CLEC16A: variants seen among roughly 807,000 people sequenced by gnomAD.
The protein encoded by CLEC16A is C-type lectin domain containing 16A, also known as protein CLEC16A.
CLEC16A carries 51 observed loss-of-function variants against 109.5 expected under a neutral mutation model. That is an observed-to-expected ratio of 0.47 (90% CI 0.37 to 0.59). The LOEUF (loss-of-function observed/expected upper bound fraction) is 0.59, where lower values mean the gene tolerates loss of function less well. Ranked by LOEUF, CLEC16A falls within the 20% of genes least tolerant of loss-of-function variation. CLEC16A has a pLI of 0.00. For missense variants in CLEC16A, 1,339 were observed against 1,394.0 expected (o/e 0.96, Z 0.63); for synonymous variants, 673 against 564.2 (o/e 1.19, Z -2.73).
At chr16:10,957,955 A>T (rs201890426) in intron 2 of CLEC16A, 45 bp downstream of exon 2, 19 of 1,593,628 alleles carry the variant, frequency 1.2e-5, no homozygotes, top group Non-Finnish European at 1.6e-5. Context: ...TTCTTCTTTG[A>T]ATGTTTTTCT....
chr16:11,111,208 CT>C (rs1260396857), intron 19 of CLEC16A, among the ~76,000 whole-genome samples: 2 of 152,194 alleles, frequency 1.3e-5, no homozygotes, highest in African/African-American at 2.4e-5. Flanking sequence ...CATATATTAA[CT>C]TCATGGCTTA....
intron 19 of CLEC16A, among the ~76,000 whole-genome samples, chr16:11,071,409 A>G (rs1172701757): frequency 6.6e-6 from 1 of 152,162 alleles, no homozygotes; most frequent in African/African-American, 2.4e-5. Context: ...GTGGAAGACC[A>G]AAAAAGAGGG....
chr16:11,025,520 G>C (rs2046358918), intron 13 of CLEC16A, among the ~76,000 whole-genome samples: 1 of 152,114 alleles, frequency 6.6e-6, no homozygotes, highest in Non-Finnish European at 1.5e-5. Flanking sequence ...ACTGTTGTTT[G>C]CCCCACCTGG....
chr16:10,971,286 T>A, intron 5 of CLEC16A, 56 bp downstream of exon 5: 2 of 1,249,226 alleles, frequency 1.6e-6, no homozygotes, highest in Non-Finnish European at 2.3e-6. Context: ...CAGCAAGCAC[T>A]CACTCCCGTG....
chr16:11,006,009 A>G (rs1453095055), intron 11 of CLEC16A, among the ~76,000 whole-genome samples: 5 of 152,196 alleles, frequency 3.3e-5, no homozygotes, highest in African/African-American at 1.2e-4. Flanking sequence ...TTGCGATTGC[A>G]AGATTTAGAA....
intron 19 of CLEC16A, among the ~76,000 whole-genome samples, chr16:11,091,008 C>T (rs567167308): frequency 1.7e-4 from 26 of 152,200 alleles, no homozygotes; most frequent in African/African-American, 5.8e-4. Flanking sequence ...CTACGTTGCC[C>T]AGGCTAGTCT....
intron 19 of CLEC16A, among the ~76,000 whole-genome samples, chr16:11,090,632 G>A (rs2050249524): frequency 1.3e-5 from 2 of 151,892 alleles, no homozygotes; most frequent in African/African-American, 4.8e-5. Flanking sequence ...CTGGATTTTT[G>A]TTTCTATTTT....
chr16:11,014,308 T>G (rs2045611660), intron 11 of CLEC16A, among the ~76,000 whole-genome samples: 1 of 152,252 alleles, frequency 6.6e-6, no homozygotes, highest in African/African-American at 2.4e-5. Context: ...ACAGCTGTGC[T>G]GTGTGTATGT....
chr16:11,047,380 G>A (rs766226304), intron 17 of CLEC16A, 38 bp downstream of exon 17: 31 of 1,515,784 alleles, frequency 2.0e-5, no homozygotes, highest in Middle Eastern at 1.9e-4. Flanking sequence ...GCTGGTGTGC[G>A]CCTGTGTCCC....
intron 22 of CLEC16A, among the ~76,000 whole-genome samples, chr16:11,141,595 G>A (rs1211708995): frequency 6.6e-6 from 1 of 152,244 alleles, no homozygotes; most frequent in Non-Finnish European, 1.5e-5. Context: ...GGAAGTGGCT[G>A]GACCTGACGC....
chr16:11,051,461 C>G (rs1357428978), intron 17 of CLEC16A, 52 bp from the exon 18 acceptor site: 27 of 1,580,368 alleles, frequency 1.7e-5, no homozygotes, highest in Non-Finnish European at 2.3e-5. Context: ...CGGCCCCTTC[C>G]TCCTTCCAAG....
chr16:11,073,697 C>T (rs1009822023), intron 19 of CLEC16A, among the ~76,000 whole-genome samples: 2 of 152,146 alleles, frequency 1.3e-5, no homozygotes, highest in Non-Finnish European at 2.9e-5. Flanking sequence ...CCTGGATGGC[C>T]CTCCCAGCCT....
chr16:11,006,618 C>T (rs984997007), intron 11 of CLEC16A, among the ~76,000 whole-genome samples: 16 of 152,126 alleles, frequency 1.1e-4, no homozygotes, highest in East Asian at 3.8e-4. Flanking sequence ...CTTTAAAAGA[C>T]GGGGAAAATA....
chr16:11,003,970 CAAAAAAA>C (rs962482634), intron 11 of CLEC16A, among the ~76,000 whole-genome samples: 3 of 57,992 alleles, frequency 5.2e-5, no homozygotes, highest in South Asian at 5.9e-4. Context: ...CCTGTCTCTA[CAAAAAAA>C]AAAAAAAAAA....
intron 22 of CLEC16A, among the ~76,000 whole-genome samples, chr16:11,150,633 C>T (rs552296440): frequency 2.0e-5 from 3 of 152,240 alleles, no homozygotes; most frequent in Non-Finnish European, 4.4e-5. Flanking sequence ...CTCTTCTAAA[C>T]TTCATTCTTG....
intron 19 of CLEC16A, among the ~76,000 whole-genome samples, chr16:11,111,935 T>C (rs1045916871): frequency 6.6e-6 from 1 of 152,250 alleles, no homozygotes; most frequent in African/African-American, 2.4e-5. Flanking sequence ...AAATTTACTC[T>C]CGCATGTGCG....
intron 22 of CLEC16A, among the ~76,000 whole-genome samples, chr16:11,151,383 T>G (rs2054285470): frequency 6.6e-6 from 1 of 152,250 alleles, no homozygotes; most frequent in South Asian, 2.1e-4. Context: ...ACCTGGGCCC[T>G]TGTCTTCATT....
At chr16:10,979,241 C>G (rs2043185728) in intron 8 of CLEC16A, 88 bp from the exon 9 acceptor site, 1 of 1,247,070 alleles carries the variant, frequency 8.0e-7, no homozygotes, top group South Asian at 1.3e-5. Flanking sequence ...CGCCTTTGTT[C>G]ACACAGAAGG....
At chr16:11,114,990 A>G (rs557529614) in intron 19 of CLEC16A, among the ~76,000 whole-genome samples, 4 of 152,262 alleles carry the variant, frequency 2.6e-5, no homozygotes, top group East Asian at 3.9e-4. Flanking sequence ...TGATGTCTCA[A>G]TTACATTTCT....
Sources: gnomAD v4.1 joint callset for allele counts (sites outside exome capture counted in the v4.1 genomes callset) on GRCh38, gnomAD v4.1.1 for gene constraint, MANE v1.5 for transcripts, NCBI Gene and HGNC (gene_info 2026-07-23, HGNC 2026-07-21) for gene names.